Variants in SASH3 observed in about 807,000 individuals in gnomAD.
SASH3 encodes the protein SAM and SH3 domain containing 3.
A neutral mutation model predicts 26.1 loss-of-function variants in SASH3; 7 were observed. The ratio of observed to expected loss-of-function variants is 0.27; its 90% confidence interval spans 0.15 to 0.50. The LOEUF is 0.50. SASH3 is among the 20% of genes least tolerant of loss of function. The pLI, the probability that SASH3 is intolerant of heterozygous loss-of-function variation, is 0.98. For missense variants in SASH3, 231 were observed against 318.3 expected, an observed-to-expected ratio of 0.73 and a Z score of 2.09; for synonymous variants, 138 against 136.8, an observed-to-expected ratio of 1.01 and a Z score of -0.06.
intron 1 of SASH3, among the ~76,000 whole-genome samples, chrX:129,785,227 C>T (rs1927087421): frequency 9.0e-6 from 1 of 111,144 alleles, no homozygotes; most frequent in Non-Finnish European, 1.9e-5. Flanking sequence ...GCACGACTCC[C>T]AGGAAGTCCT....
chrX:129,790,692 T>C (rs1031346096), intron 3 of SASH3, among the ~76,000 whole-genome samples: 2 of 111,431 alleles, frequency 1.8e-5, no homozygotes, highest in South Asian at 7.7e-4. Flanking sequence ...CACTTGAGGC[T>C]GACAAAAGCA....
intron 3 of SASH3, 34 bp from the exon 4 acceptor site, chrX:129,790,906 G>A (rs1238522102): frequency 8.3e-7 from 1 of 1,200,913 alleles, no homozygotes; most frequent in Non-Finnish European, 1.1e-6. Context: ...CCCCAGCAAG[G>A]CTCCTTAAAG....
intron 3 of SASH3, 81 bp from the exon 4 acceptor site, chrX:129,790,859 C>A: frequency 9.1e-7 from 1 of 1,095,236 alleles, no homozygotes; most frequent in Non-Finnish European, 1.2e-6. Flanking sequence ...CCTAGCTCTT[C>A]ACTAAGCCCA....
intron 4 of SASH3, 109 bp downstream of exon 4, chrX:129,791,190 C>A: frequency 2.5e-6 from 2 of 801,479 alleles, no homozygotes; most frequent in Admixed American, 2.9e-5. Context: ...TGAATGCTTA[C>A]TCTTTGCCTG....
intron 2 of SASH3, 67 bp downstream of exon 2, chrX:129,788,137 G>GGGGGTGGT: frequency 2.8e-6 from 1 of 354,266 alleles, no homozygotes; most frequent in Non-Finnish European, 5.4e-6. Flanking sequence ...GGGTGGGAGG[G>GGGGGTGGT]AAGAGGGTGA....
chrX:129,788,616 G>T (rs2231129), intron 3 of SASH3, 39 bp downstream of exon 3: 7 of 1,173,726 alleles, frequency 6.0e-6, no homozygotes, highest in Non-Finnish European at 8.1e-6. Context: ...TGTCCAGGGG[G>T]CCTGGGGACC....
chrX:129,785,082 A>G (rs560355832), intron 1 of SASH3, among the ~76,000 whole-genome samples: 100 of 110,219 alleles, frequency 9.1e-4, no homozygotes, highest in Middle Eastern at 9.4e-3. Context: ...ATACATATAT[A>G]CTCAACAATA....
chrX:129,788,628 C>T (rs777820817), intron 3 of SASH3, 51 bp downstream of exon 3: 2 of 1,148,134 alleles, frequency 1.7e-6, no homozygotes, highest in South Asian at 3.8e-5. Flanking sequence ...CTGGGGACCG[C>T]TCTGGCAGAA....
At position 129,788,067 on chromosome X, in the gene SASH3, T is replaced by A; in HGVS notation, c.150T>A (p.Asp50Glu). 8.6e-7 allele frequency: 1 copy of A among 1,164,115 alleles called. No homozygotes were observed. Among genetic ancestry groups the A allele is most frequent in the Non-Finnish European group, 1.2e-6 (1 of 865,658 alleles). ...GCGAGAAGGAGTTTAATCTGGATGA[T>A]AACGTGAGTTTCAGGGCATCCTTGT... is the stretch of plus-strand genomic sequence containing the variant. Reference protein sequence around the residue: ...VVSEKEFNLDDNIPEDDSGVP... With the variant: ...VVSEKEFNLDENIPEDDSGVP... Residue 50 changes from aspartate to glutamate, a missense_variant, in exon 2 of 8, where the codon GAT becomes GAA. Coordinates refer to ENST00000356892, the MANE Select transcript of SASH3 (RefSeq NM_018990.4).
In SASH3 at chrX:129,793,498, ACTC is replaced by A. The variant is rs1159966403; in HGVS notation, c.953-141_953-139del. On this transcript the variant is annotated intron_variant, in intron 7 of 7. Coordinates refer to ENST00000356892, the MANE Select transcript of SASH3 (RefSeq NM_018990.4). Reference sequence around the variant, plus strand: ...GGACTGCAGAGCTGGCCTGGAAACAACTCCTACCAGCTTCTAAGCTGGAAGCAG... The same window carrying A: ...GGACTGCAGAGCTGGCCTGGAAACAACTACCAGCTTCTAAGCTGGAAGCAG... 8.0e-6 allele frequency: 5 copies of A among 626,465 alleles called. No individual in the cohort carries two copies. In the African/African-American group the frequency reaches 9.0e-5, roughly 11 times the overall value. 51.6% of individuals were successfully genotyped at this position (626,465 alleles called of 1,213,427 possible). A position where few individuals can be genotyped will look rare whatever the true frequency, so the allele number is the denominator to read the frequency against.
chrX:129,792,934 C>T, intron 6 of SASH3, 55 bp from the exon 7 acceptor site: 1 of 1,205,442 alleles, frequency 8.3e-7, no homozygotes, highest in Non-Finnish European at 1.1e-6. Context: ...TTGGGGAGGA[C>T]CTAGGCAGGG....
intron 1 of SASH3, among the ~76,000 whole-genome samples, chrX:129,785,694 C>T (rs987445745): frequency 5.3e-5 from 6 of 112,400 alleles, no homozygotes; most frequent in Admixed American, 4.7e-4. Context: ...GGCCCCATGC[C>T]TGCCCTCCTG....
chrX:129,788,249 T>A, intron 2 of SASH3, 179 bp downstream of exon 2: 1 of 539,240 alleles, frequency 1.9e-6, no homozygotes, highest in Non-Finnish European at 3.0e-6. Flanking sequence ...ATACATTAAA[T>A]AGCAAACTAT....
At position 129,788,909 on chromosome X, in the gene SASH3, C is replaced by G. The variant is rs191135910; in HGVS notation, c.300+332C>G. Reference sequence around the variant, plus strand: ...CTTGAGGTCAGGAGTTTGAGACCAGCCTGGCCAACATGGCAAAACCCCATC... The same window carrying G: ...CTTGAGGTCAGGAGTTTGAGACCAGGCTGGCCAACATGGCAAAACCCCATC... On this transcript the variant is annotated intron_variant, in intron 3 of 7. Transcript: ENST00000356892. Among the ~76,000 whole-genome samples, 1,052 of 109,752 alleles carry G rather than the reference C, an allele frequency of 9.6e-3. 13 individuals carry two copies. The highest frequency in any genetic ancestry group is 0.034 in the African/African-American group (1,009 of 30,061).
At position 129,781,554 on chromosome X, in the gene SASH3, C is replaced by G. The variant is rs189090922; in HGVS notation, c.57+1400C>G. 3.6e-5 allele frequency among the ~76,000 whole-genome samples: 4 copies of G among 112,368 alleles called. No homozygotes were observed. The East Asian group carries it at 8.3e-4, about 23-fold the overall frequency. On this transcript the variant is annotated intron_variant, in intron 1 of 7. Transcript: ENST00000356892. ...GGAAACAGAGATTGCTCTATAGACACTGCTAGGCCTCAAACCACAGGGGCG... is the reference window on the plus strand; with the variant it reads ...GGAAACAGAGATTGCTCTATAGACAGTGCTAGGCCTCAAACCACAGGGGCG...
At chrX:129,789,217 G>A (rs1927184994) in intron 3 of SASH3, among the ~76,000 whole-genome samples, 3 of 109,304 alleles carry the variant, frequency 2.7e-5, no homozygotes, top group Admixed American at 1.9e-4. Context: ...TTGAGGAGGC[G>A]GGCCTGGGAC....
At chrX:129,788,137 G>GGGGGGGGGGGGGGC in intron 2 of SASH3, 67 bp downstream of exon 2, 3 of 354,257 alleles carry the variant, frequency 8.5e-6, no homozygotes, top group Non-Finnish European at 1.6e-5. Context: ...GGGTGGGAGG[G>GGGGGGGGGGGGGGC]AAGAGGGTGA....
Position 129,793,611 on chromosome X carries a change from A to G in SASH3, c.953-31A>G, listed in dbSNP as rs777322629. The stretch of plus-strand genomic sequence containing the variant: ...TCCCAAGGTCCCTACCTCCACCCCC[A>G]TATTCTGTCTCCCTCTCTCGTCCCT... On this transcript the variant is annotated intron_variant, in intron 7 of 7. Transcript: ENST00000356892. The G allele has an allele frequency of 3.3e-6, 4 of 1,202,134 alleles. No individual in the cohort carries two copies. The Admixed American group carries it at 6.6e-5, about 20-fold the overall frequency.
rs368720108 is a variant in SASH3 at position 129,790,897 on chromosome X, C to T, written c.301-43C>T. Reference sequence around the variant, plus strand: ...CCCATTTCTTCAGCTTCATGCACACCCCAGCAAGGCTCCTTAAAGCTTCCC... The same window carrying T: ...CCCATTTCTTCAGCTTCATGCACACTCCAGCAAGGCTCCTTAAAGCTTCCC... On this transcript the variant is annotated intron_variant, in intron 3 of 7. Transcript: ENST00000356892. 1.4e-5 allele frequency: 17 copies of T among 1,194,301 alleles called. No individual in the cohort carries two copies. The African/African-American group carries it at 2.5e-4, about 17-fold the overall frequency.
Sources: allele counts gnomAD v4.1 joint callset (sites outside exome capture counted in the v4.1 genomes callset), GRCh38; gene constraint gnomAD v4.1.1; transcripts MANE v1.5; gene names NCBI Gene and HGNC (gene_info 2026-07-23, HGNC 2026-07-21).